The following RBFOX3 variants were observed in gnomAD, a reference collection of about 807,000 sequenced individuals.
RBFOX3 encodes RNA binding fox-1 homolog 3, also known as RNA binding protein fox-1 homolog 3.
In RBFOX3, 17 loss-of-function variants were observed where a neutral mutation model predicts 48.7. The observed-to-expected ratio is 0.35, with a 90% confidence interval of 0.24 to 0.52. The LOEUF is 0.52. RBFOX3 is among the 20% of genes least tolerant of loss of function. RBFOX3 has a pLI of 0.94. For missense variants in RBFOX3, 382 were observed against 497.5 expected, an observed-to-expected ratio of 0.77 and a Z score of 2.21; for synonymous variants, 212 against 209.5, an observed-to-expected ratio of 1.01 and a Z score of -0.10.
chr17:79,577,628 G>C (rs956531826), intron 1 of RBFOX3, among the ~76,000 whole-genome samples: 26 of 152,316 alleles, frequency 1.7e-4, no homozygotes, highest in African/African-American at 6.0e-4. Context: ...GGTGATGGGC[G>C]CACACTTTGC....
chr17:79,204,312 C>T lies in RBFOX3; in HGVS notation c.-34+31454G>A, dbSNP rs144844027. On this transcript the variant is annotated intron_variant, in intron 4 of 14. Transcript: ENST00000693108. The surrounding 1 kb of genome is among the most constrained non-coding windows in gnomAD (Gnocchi z 4.5). ...ACACACACCAGCGGGCGCCGGGGAG[C>T]GGGTACACACCAGCGGGTGCCGGGG... Among the ~76,000 whole-genome samples the T allele has an allele frequency of 2.8e-3, 431 of 152,050 alleles. 2 individuals are homozygous for T. Among genetic ancestry groups the T allele is most frequent in the African/African-American group, 9.9e-3 (412 of 41,474 alleles).
chr17:79,525,697 A>T (rs1387068977), intron 1 of RBFOX3, among the ~76,000 whole-genome samples: 1 of 152,236 alleles, frequency 6.6e-6, no homozygotes, highest in Non-Finnish European at 1.5e-5. Flanking sequence ...TAGAATTCCA[A>T]TCACCATCAT....
chr17:79,280,463 C>T (rs928809617), intron 3 of RBFOX3, among the ~76,000 whole-genome samples: 1 of 152,206 alleles, frequency 6.6e-6, no homozygotes, highest in African/African-American at 2.4e-5. Context: ...ATCAAGGCCG[C>T]GATGCCTTCC....
intron 2 of RBFOX3, among the ~76,000 whole-genome samples, chr17:79,344,348 A>G (rs2082546090): frequency 6.6e-6 from 1 of 152,116 alleles, no homozygotes; most frequent in South Asian, 2.1e-4. Flanking sequence ...CATCCTTGGA[A>G]GGCTCTACCA....
intron 1 of RBFOX3, chr17:79,600,183 TGACACACACATGTGCTCACACATGTAC>T (rs1192878600): frequency 6.6e-6 from 1 of 152,238 alleles, no homozygotes; most frequent in Non-Finnish European, 1.5e-5. Flanking sequence ...TACCAATACA[TGACACACACATGTGCTCACACATGTAC>T]GACACACATA....
At chr17:79,287,164 A>G (rs775080470) in intron 3 of RBFOX3, among the ~76,000 whole-genome samples, 3 of 152,162 alleles carry the variant, frequency 2.0e-5, no homozygotes, top group Non-Finnish European at 4.4e-5. Context: ...TAAGGGGACA[A>G]TCGCTTCTTC....
In RBFOX3 at chr17:79,471,288, C is replaced by T. The variant is rs1017574707; in HGVS notation, c.-175+11166G>A. 7.2e-5 allele frequency among the ~76,000 whole-genome samples: 11 copies of T among 152,074 alleles called. No homozygotes were observed. The highest frequency in any genetic ancestry group is 2.4e-4 in the African/African-American group (10 of 41,412). ...GTGACCAGCACTGGCCAGGGTGCGACGCTTGGGGTATTCGCAGGGAAATGA... is the reference window on the plus strand; with the variant it reads ...GTGACCAGCACTGGCCAGGGTGCGATGCTTGGGGTATTCGCAGGGAAATGA... On this transcript the variant is annotated intron_variant, in intron 2 of 14. Transcript: ENST00000693108. The surrounding 1 kb of genome is among the most constrained non-coding windows in gnomAD (Gnocchi z 4.0).
At position 79,423,286 on chromosome 17, in the gene RBFOX3, C is replaced by T. The variant is rs1290471028; in HGVS notation, c.-175+59168G>A. On this transcript the variant is annotated intron_variant, in intron 2 of 14. Transcript: ENST00000693108. The surrounding 1 kb of genome is among the most constrained non-coding windows in gnomAD (Gnocchi z 4.9). ...GTGGCATTGTCCTGGATTCCTTGAC[C>T]GTCCTCGCCACGCCCCCATCGACCA... Among the ~76,000 whole-genome samples, 3 of 152,284 alleles carry T rather than the reference C, an allele frequency of 2.0e-5. No homozygotes were observed. The highest frequency in any genetic ancestry group is 1.9e-4 in the East Asian group (1 of 5,176).
chr17:79,310,597 T>C (rs926020630), intron 2 of RBFOX3, among the ~76,000 whole-genome samples: 1 of 152,034 alleles, frequency 6.6e-6, no homozygotes, highest in Non-Finnish European at 1.5e-5. Flanking sequence ...GGTCCTGTCC[T>C]GTCGGCGAGG....
At chr17:79,439,773 T>G (rs1358629763) in intron 2 of RBFOX3, among the ~76,000 whole-genome samples, 3 of 152,234 alleles carry the variant, frequency 2.0e-5, no homozygotes, top group African/African-American at 7.2e-5. Flanking sequence ...AGTACATGCA[T>G]GCACACACAC....
intron 4 of RBFOX3, among the ~76,000 whole-genome samples, chr17:79,167,573 G>A (rs548835571): frequency 3.4e-4 from 52 of 152,268 alleles, no homozygotes; most frequent in African/African-American, 1.2e-3. Context: ...TTACAGATGA[G>A]GGCACTCAAG....
intron 1 of RBFOX3, among the ~76,000 whole-genome samples, chr17:79,585,342 G>C (rs1159870214): frequency 6.6e-6 from 1 of 151,886 alleles, no homozygotes; most frequent in African/African-American, 2.4e-5. Flanking sequence ...CATCACCTAA[G>C]GTCAGTAGTC....
intron 1 of RBFOX3, among the ~76,000 whole-genome samples, chr17:79,561,565 G>A (rs1355565703): frequency 6.6e-6 from 1 of 152,154 alleles, no homozygotes; most frequent in East Asian, 1.9e-4. Flanking sequence ...TCCATCAGCC[G>A]ATGTCACCGC....
chr17:79,517,860 C>T (rs896592337), intron 1 of RBFOX3, among the ~76,000 whole-genome samples: 1 of 152,212 alleles, frequency 6.6e-6, no homozygotes. Context: ...CTCGCCTGTT[C>T]CTGACTCAAC....
At chr17:79,102,373 C>G (rs1324596844) in intron 8 of RBFOX3, among the ~76,000 whole-genome samples, 3 of 152,228 alleles carry the variant, frequency 2.0e-5, no homozygotes, top group Non-Finnish European at 4.4e-5. Context: ...GGGCTGCAGC[C>G]TGGCCAAGCC....
Position 79,106,717 on chromosome 17 carries a change from G to C in RBFOX3, c.294C>G (p.Pro98=), listed in dbSNP as rs1380645405. ...HPSDPTEKQQ[P]KRLHVSNIPF... Reference sequence around the variant, plus strand: ...GGATGTTGGAGACGTGTAGCCGCTTGGGCTGCTGCTTCTCTGTAGGGTCGG... The same window carrying C: ...GGATGTTGGAGACGTGTAGCCGCTTCGGCTGCTGCTTCTCTGTAGGGTCGG... Residue 98 remains proline, a synonymous_variant, in exon 6 of 15, where the codon CCC becomes CCG. Coordinates refer to ENST00000693108, the MANE Select transcript of RBFOX3 (RefSeq NM_001350451.2). The C allele has an allele frequency of 6.7e-7, 1 of 1,501,480 alleles. No homozygotes were observed. The highest frequency in any genetic ancestry group is 1.4e-5 in the African/African-American group (1 of 69,170). The allele number at this position is 1,501,480 out of a possible 1,614,324, so 93.0% of individuals were successfully genotyped here. A position where few individuals can be genotyped will look rare whatever the true frequency, so the allele number is the denominator to read the frequency against.
the RBFOX3 span, among the ~76,000 whole-genome samples, chr17:79,647,238 G>A: frequency 2.6e-4 from 40 of 152,192 alleles, no homozygotes; most frequent in East Asian, 6.2e-3. Context: ...TCACTCCACC[G>A]GTGTCGCCTG....
At chr17:79,104,203 C>G in intron 6 of RBFOX3, 77 bp from the exon 7 acceptor site, 2 of 1,264,834 alleles carry the variant, frequency 1.6e-6, no homozygotes, top group South Asian at 2.5e-5. Context: ...GCTGCCCGCT[C>G]CACTCCTGAG....
the RBFOX3 span, among the ~76,000 whole-genome samples, chr17:79,637,365 A>C: frequency 6.6e-5 from 10 of 152,162 alleles, no homozygotes; most frequent in African/African-American, 2.4e-4. Flanking sequence ...TCTCAAGTGC[A>C]CTTGGAACAT....
Sources: allele counts gnomAD v4.1 joint callset (sites outside exome capture counted in the v4.1 genomes callset), GRCh38; gene constraint gnomAD v4.1.1; non-coding constraint Gnocchi (gnomAD v3.1); transcripts MANE v1.5; gene names NCBI Gene and HGNC (gene_info 2026-07-23, HGNC 2026-07-21).